LINS1: variants seen among roughly 807,000 people sequenced by gnomAD.
LINS1 encodes the protein lines homolog 1.
LINS1 carries 27 observed loss-of-function variants against 41.6 expected under a neutral mutation model. That is an observed-to-expected ratio of 0.65 (90% CI 0.48 to 0.89). LINS1 has a LOEUF of 0.89. Ranked by LOEUF, LINS1 falls within the 40% of genes least tolerant of loss-of-function variation. LINS1 has a pLI of 0.00. For missense variants in LINS1, 955 were observed against 884.1 expected (o/e 1.08, Z -1.02); for synonymous variants, 336 against 312.9 (o/e 1.07, Z -0.78).
intron 5 of LINS1, chr15:100,572,494 T>G: frequency 9.4e-7 from 1 of 1,065,744 alleles, no homozygotes; most frequent in Non-Finnish European, 1.1e-6. Context: ...TTTTTGTTTG[T>G]TTAAAGCATA....
chr15:100,570,541 A>G (rs557827051), intron 6 of LINS1: 281 of 156,570 alleles, frequency 1.8e-3, no homozygotes, highest in Middle Eastern at 3.3e-3. Flanking sequence ...AGGCTCTGTG[A>G]CCCAAGTGGG....
At position 100,567,576 on chromosome 15, in the gene LINS1, C is replaced by T. The variant is rs1446008987; in HGVS notation, c.*1662G>A. The T allele has an allele frequency of 1.3e-5, 2 of 152,176 alleles. No individual in the cohort carries two copies. The highest frequency in any genetic ancestry group is 1.9e-4 in the East Asian group (1 of 5,192). 9.4% of individuals were successfully genotyped at this position (152,176 alleles called of 1,614,324 possible). A position where few individuals can be genotyped will look rare whatever the true frequency, so the allele number is the denominator to read the frequency against. ...ACTGGAGATGTTTCACATCCACAAA[C>T]GTGCATAGAACGCATCTACCATTCC... On this transcript the variant is annotated 3_prime_UTR_variant, in exon 7 of 7. Coordinates refer to ENST00000314742, the MANE Select transcript of LINS1 (RefSeq NM_001040616.3).
intron 1 of LINS1, among the ~76,000 whole-genome samples, chr15:100,593,376 AG>A (rs2039119056): frequency 6.6e-6 from 1 of 152,184 alleles, no homozygotes; most frequent in Admixed American, 6.5e-5. Context: ...TTATTTTTTA[AG>A]TTCTGTAAAC....
rs773006129 is a variant in LINS1 at position 100,571,943 on chromosome 15, T to C, written c.1345A>G (p.Met449Val). 3 of 1,614,140 alleles carry C rather than the reference T, an allele frequency of 1.9e-6. No individual in the cohort carries two copies. Among genetic ancestry groups the C allele is most frequent in the African/African-American group, 1.3e-5 (1 of 74,940 alleles). Reference protein sequence around the residue: ...SRVFIEQDDDMLEAAKASLGI... With the variant: ...SRVFIEQDDDVLEAAKASLGI... ...AGTGATGCCTTGGCAGCCTCCAGCA[T>C]GTCATCGTCTTGTTCTATGAAAACC... Residue 449 changes from methionine (M) to valine (V), a missense_variant, in exon 6 of 7, where the codon ATG becomes GTG. By Grantham distance (21) the Met-to-Val change is conservative. Transcript: ENST00000314742.
rs749643923 is a variant in LINS1, at chr15:100,572,010, C to CT, written c.1277dup (p.Pro427AlafsTer22). 6.2e-7 allele frequency: 1 copy of CT among 1,614,062 alleles called. No homozygotes were observed. Among genetic ancestry groups the CT allele is most frequent in the Non-Finnish European group, 8.5e-7 (1 of 1,180,048 alleles). ...ACGGATTGTGTAATTGCAGAGAGGG[C>CT]TGAAGATGAGGCTTTAAGAAGGTCA... On this transcript the variant is annotated frameshift_variant, in exon 6 of 7. Transcript: ENST00000314742. LOFTEE classifies it high-confidence loss of function.
Position 100,580,499 on chromosome 15 carries a change from T to C in LINS1, c.344A>G (p.Gln115Arg). The C allele has an allele frequency of 6.2e-7, 1 of 1,614,064 alleles. No homozygotes were observed. Among genetic ancestry groups the C allele is most frequent in the East Asian group, 2.2e-5 (1 of 44,886 alleles). ...SVKTEFHAKE[Q>R]YRDVIKILLE... ...GAGAATTTTAATTACATCTCTGTACTGCTCCTTTGCATGGAACTCGGTTTT... is the reference window on the plus strand; with the variant it reads ...GAGAATTTTAATTACATCTCTGTACCGCTCCTTTGCATGGAACTCGGTTTT... The change falls in exon 2 of 7, where the codon CAG becomes CGG. Residue 115 changes from glutamine to arginine, a missense_variant. Physicochemically the swap from Gln to Arg is conservative, Grantham distance 43. Coordinates refer to ENST00000314742, the MANE Select transcript of LINS1 (RefSeq NM_001040616.3).
Position 100,598,694 on chromosome 15 carries a change from C to A in LINS1, c.-104+3427G>T, listed in dbSNP as rs1047829697. On this transcript the variant is annotated intron_variant, in intron 1 of 6. Transcript: ENST00000314742. ...AAGGTCTGAAATACAATTTCTCTAC[C>A]CAGCCCCATCGCCTTTTCTGCCAGG... Among the ~76,000 whole-genome samples the A allele has an allele frequency of 3.3e-5, 5 of 152,192 alleles. No homozygotes were observed. In the East Asian group the frequency reaches 9.6e-4, roughly 29 times the overall value.
chr15:100,569,275 A>G lies in LINS1; in HGVS notation c.2237T>C (p.Ile746Thr), dbSNP rs2037665549. The change falls in exon 7 of 7, where the codon ATA becomes ACA. Residue 746 changes from isoleucine (I) to threonine (T), a missense_variant. By Grantham distance (89) the Ile-to-Thr change is moderately conservative. Coordinates refer to ENST00000314742, the MANE Select transcript of LINS1 (RefSeq NM_001040616.3). ...CATAGTTTTATTACTTATCACCTCT[A>G]TGTATTTTAACAACTTCAAAAGTGC... ...PTALLKLLKY[I>T]EVISNKTMNT... The G allele has an allele frequency of 4.4e-6, 7 of 1,605,508 alleles. No individual in the cohort carries two copies. Among genetic ancestry groups the G allele is most frequent in the African/African-American group, 1.3e-5 (1 of 74,848 alleles).
At chr15:100,589,961 T>G (rs189056719) in intron 1 of LINS1, among the ~76,000 whole-genome samples, 27 of 152,150 alleles carry the variant, frequency 1.8e-4, no homozygotes, top group African/African-American at 6.3e-4. Flanking sequence ...TCTGAGAACA[T>G]TGGAGAAAGA....
intron 3 of LINS1, 39 bp from the exon 4 acceptor site, chr15:100,575,167 TA>T (rs2038089709): frequency 6.4e-7 from 1 of 1,559,206 alleles, no homozygotes; most frequent in African/African-American, 1.4e-5. Context: ...TAAAATACAA[TA>T]TTTTCTTTAC....
chr15:100,598,848 T>C (rs2039355738), intron 1 of LINS1, among the ~76,000 whole-genome samples: 1 of 152,188 alleles, frequency 6.6e-6, no homozygotes, highest in African/African-American at 2.4e-5. Context: ...GAACACTGCC[T>C]GCTGCCAACT....
At chr15:100,597,479 G>T (rs1316231399) in intron 1 of LINS1, among the ~76,000 whole-genome samples, 1 of 152,172 alleles carries the variant, frequency 6.6e-6, no homozygotes, top group African/African-American at 2.4e-5. Context: ...TTGAACCAGG[G>T]ACTACATTTT....
chr15:100,589,630 G>T (rs1477356696), intron 1 of LINS1, among the ~76,000 whole-genome samples: 1 of 152,138 alleles, frequency 6.6e-6, no homozygotes, highest in Non-Finnish European at 1.5e-5. Context: ...AAGATAAAAT[G>T]ATCCAAATTG....
At chr15:100,591,049 T>C (rs963541468) in intron 1 of LINS1, among the ~76,000 whole-genome samples, 1 of 152,030 alleles carries the variant, frequency 6.6e-6, no homozygotes, top group Non-Finnish European at 1.5e-5. Flanking sequence ...TGGTGGCACA[T>C]GCCTGTAATC....
intron 1 of LINS1, among the ~76,000 whole-genome samples, chr15:100,594,702 CAAG>C (rs2039173426): frequency 6.6e-6 from 1 of 152,022 alleles, no homozygotes. Context: ...AAAATAATGA[CAAG>C]AAGAAAAAAT....
chr15:100,574,479 G>A (rs990866906), intron 4 of LINS1, among the ~76,000 whole-genome samples: 9 of 152,154 alleles, frequency 5.9e-5, no homozygotes, highest in East Asian at 1.9e-4. Context: ...AGGCCGATGC[G>A]GGTGGATCAC....
rs1199189754 is a variant in LINS1 at position 100,575,029 on chromosome 15, T to C, written c.589A>G (p.Ile197Val). The change falls in exon 4 of 7, where the codon ATA (isoleucine) becomes GTA (valine). Residue 197 changes from isoleucine (I) to valine (V), a missense_variant. Physicochemically the swap from Ile to Val is conservative, Grantham distance 29. Coordinates refer to ENST00000314742, the MANE Select transcript of LINS1 (RefSeq NM_001040616.3). ...AIYCLWTLTA[I>V]IKEIFKDSCS... ...GAATCTTTAAAGATTTCTTTTATTA[T>C]TGCTGTAAGAGTCCAGAGGCAGTAT... The C allele has an allele frequency of 1.9e-6, 3 of 1,613,020 alleles. No homozygotes were observed. The highest frequency in any genetic ancestry group is 2.2e-5 in the East Asian group (1 of 44,798).
chr15:100,571,185 G>A lies in LINS1; in HGVS notation c.1394+709C>T, dbSNP rs552307210. Among the ~76,000 whole-genome samples the A allele has an allele frequency of 1.1e-4, 17 of 152,266 alleles. No individual in the cohort carries two copies. In the South Asian group the frequency reaches 3.3e-3, roughly 30 times the overall value. On this transcript the variant is annotated intron_variant, in intron 6 of 6. Transcript: ENST00000314742. ...GTCATAATACAAGTAAGTACTGGCG[G>A]CACAACGCTGCACCACAGATCATTA...
rs765705767 is a variant in LINS1, at chr15:100,573,704, A to G, written c.1169T>C (p.Met390Thr). Residue 390 changes from methionine (M) to threonine (T), a missense_variant, in exon 5 of 7, where the codon ATG (methionine) becomes ACG (threonine). Coordinates refer to ENST00000314742, the MANE Select transcript of LINS1 (RefSeq NM_001040616.3). ...VILRAASLVI[M>T]KSLEIKFQNY... ...TTGAAACTTGATTTCTAAGGATTTC[A>G]TTATAACTAAGCTTGCTGCTCTAAG... 1.6e-5 allele frequency: 25 copies of G among 1,612,098 alleles called. No individual in the cohort carries two copies. Among genetic ancestry groups the G allele is most frequent in the African/African-American group, 2.7e-5 (2 of 74,808 alleles).
Sources: gnomAD v4.1 joint callset for allele counts (sites outside exome capture counted in the v4.1 genomes callset) on GRCh38, gnomAD v4.1.1 for gene constraint, MANE v1.5 for transcripts, NCBI Gene and HGNC (gene_info 2026-07-23, HGNC 2026-07-21) for gene names.